The following FAT3 variants were observed in gnomAD, a reference collection of about 807,000 sequenced individuals.
FAT3 encodes FAT atypical cadherin 3, also known as protocadherin Fat 3.
Under a neutral mutation model 310.2 loss-of-function variants are expected in FAT3, and 95 were observed. The observed-to-expected ratio is 0.31, with a 90% CI of 0.26 to 0.36. FAT3 has a LOEUF of 0.36. Ranked by LOEUF, FAT3 falls within the 10% of genes least tolerant of loss-of-function variation. The probability of loss-of-function intolerance (pLI) is 1.00; values close to 1 mark genes in which losing one functional copy is unlikely to be tolerated. For missense variants in FAT3, 5,408 were observed against 5,715.6 expected (o/e 0.95, Z 1.74); for synonymous variants, 2,314 against 2,192.9 (o/e 1.06, Z -1.54).
chr11:92,373,822 A>C (rs1289174665), intron 2 of FAT3, among the ~76,000 whole-genome samples: 1 of 151,262 alleles, frequency 6.6e-6, no homozygotes. Context: ...AGACATAGAT[A>C]GATATGGATA....
intron 3 of FAT3, among the ~76,000 whole-genome samples, chr11:92,640,534 G>C (rs1482476198): frequency 6.6e-6 from 1 of 152,142 alleles, no homozygotes; most frequent in African/African-American, 2.4e-5. Context: ...ACATGAGAAA[G>C]TTTTAGTGTA....
At chr11:92,554,713 T>C (rs1954956812) in intron 3 of FAT3, among the ~76,000 whole-genome samples, 2 of 152,134 alleles carry the variant, frequency 1.3e-5, no homozygotes, top group Admixed American at 6.5e-5. Context: ...AGGCCTTATA[T>C]TGTCTATTGC....
chr11:92,321,551 T>G (rs910383866), intron 1 of FAT3, among the ~76,000 whole-genome samples: 31 of 152,244 alleles, frequency 2.0e-4, no homozygotes, highest in African/African-American at 7.5e-4. Flanking sequence ...ACAAAAAAAT[T>G]TACTGGTCCT....
intron 1 of FAT3, among the ~76,000 whole-genome samples, chr11:92,321,882 A>T (rs1192423208): frequency 6.6e-6 from 1 of 152,176 alleles, no homozygotes; most frequent in Non-Finnish European, 1.5e-5. Flanking sequence ...GTCTCTGCTC[A>T]CTTACTTTGT....
At chr11:92,842,868 C>T (rs781267395) in intron 18 of FAT3, among the ~76,000 whole-genome samples, 4 of 152,112 alleles carry the variant, frequency 2.6e-5, no homozygotes, top group South Asian at 2.1e-4. Flanking sequence ...GGTGGCAGGA[C>T]GAGACCATGC....
At chr11:92,315,524 G>C (rs866052102) in intron 1 of FAT3, among the ~76,000 whole-genome samples, 2 of 132,500 alleles carry the variant, frequency 1.5e-5, no homozygotes, top group South Asian at 2.5e-4. Flanking sequence ...GAGAGAGAGA[G>C]AGAGAGAGAG....
intron 22 of FAT3, among the ~76,000 whole-genome samples, chr11:92,879,601 A>C (rs1266573085): frequency 2.6e-5 from 4 of 152,216 alleles, no homozygotes; most frequent in African/African-American, 4.8e-5. Flanking sequence ...GCTGCAAATA[A>C]CGTTTCATTG....
At chr11:92,613,785 G>C (rs571170924) in intron 3 of FAT3, among the ~76,000 whole-genome samples, 1 of 152,260 alleles carries the variant, frequency 6.6e-6, no homozygotes, top group East Asian at 1.9e-4. Context: ...GCCTTTTAAA[G>C]TGTACAGTTC....
At chr11:92,656,106 G>C (rs1040851860) in intron 3 of FAT3, among the ~76,000 whole-genome samples, 3 of 152,142 alleles carry the variant, frequency 2.0e-5, no homozygotes, top group Non-Finnish European at 2.9e-5. Context: ...CCTAGAACTA[G>C]GTTGCCTGGC....
At chr11:92,489,944 A>G (rs1192366219) in intron 2 of FAT3, among the ~76,000 whole-genome samples, 1 of 149,378 alleles carries the variant, frequency 6.7e-6, no homozygotes, top group East Asian at 2.0e-4. Flanking sequence ...TCAGAAAACT[A>G]GTCTGCAGGG....
intron 23 of FAT3, among the ~76,000 whole-genome samples, chr11:92,881,252 G>A (rs952586138): frequency 3.3e-5 from 5 of 152,046 alleles, no homozygotes; most frequent in African/African-American, 7.2e-5. Context: ...TGGACTCTAC[G>A]GCCTATTGTT....
intron 2 of FAT3, among the ~76,000 whole-genome samples, chr11:92,427,830 CTT>C (rs1286378715): frequency 6.6e-6 from 1 of 151,946 alleles, no homozygotes; most frequent in Non-Finnish European, 1.5e-5. Context: ...ATGAAATTTT[CTT>C]TTTTTGTTGT....
intron 1 of FAT3, among the ~76,000 whole-genome samples, chr11:92,340,111 CAAAAA>C: frequency 2.0e-5 from 1 of 49,158 alleles, no homozygotes; most frequent in South Asian, 8.5e-4. Flanking sequence ...GACTCCATCT[CAAAAA>C]AAAAAAAAAA....
intron 1 of FAT3, among the ~76,000 whole-genome samples, chr11:92,321,914 T>C (rs991953736): frequency 3.3e-5 from 5 of 152,180 alleles, no homozygotes; most frequent in African/African-American, 1.2e-4. Flanking sequence ...ATAAACCAGA[T>C]CAGGGTGATT....
At chr11:92,407,599 G>A (rs534608439) in intron 2 of FAT3, among the ~76,000 whole-genome samples, 1 of 152,210 alleles carries the variant, frequency 6.6e-6, no homozygotes, top group African/African-American at 2.4e-5. Flanking sequence ...AGTCAAGACC[G>A]ATCAGACTGA....
At chr11:92,238,445 A>C (rs1864528250) in intron 1 of FAT3, among the ~76,000 whole-genome samples, 1 of 152,128 alleles carries the variant, frequency 6.6e-6, no homozygotes, top group African/African-American at 2.4e-5. Flanking sequence ...TGGTTGGAAG[A>C]GGAACTGAGG....
At chr11:92,880,699 T>G in intron 22 of FAT3, 32 bp from the exon 23 acceptor site, 1 of 1,602,620 alleles carries the variant, frequency 6.2e-7, no homozygotes, top group Non-Finnish European at 8.5e-7. Flanking sequence ...AGCAGTGGCA[T>G]CCATGGCTCA....
intron 2 of FAT3, among the ~76,000 whole-genome samples, chr11:92,416,493 T>A (rs144204105): frequency 6.4e-4 from 97 of 152,304 alleles, no homozygotes; most frequent in African/African-American, 2.2e-3. Flanking sequence ...TGTTCTCTAA[T>A]TGGGAAAATG....
intron 2 of FAT3, among the ~76,000 whole-genome samples, chr11:92,364,157 C>T (rs1948954626): frequency 6.6e-6 from 1 of 152,116 alleles, no homozygotes; most frequent in African/African-American, 2.4e-5. Context: ...GGCAAACCTA[C>T]AACCTGGAAA....
Sources: gnomAD v4.1 joint callset for allele counts (sites outside exome capture counted in the v4.1 genomes callset) on GRCh38, gnomAD v4.1.1 for gene constraint, MANE v1.5 for transcripts, NCBI Gene and HGNC (gene_info 2026-07-23, HGNC 2026-07-21) for gene names.